NBAS: variants seen among roughly 807,000 people sequenced by gnomAD.
NBAS encodes the protein NAG/BC035112 fusion.
Under a neutral mutation model 302.5 loss-of-function variants are expected in NBAS, and 219 were observed. The ratio of observed to expected loss-of-function variants is 0.72; its 90% CI spans 0.65 to 0.81. NBAS has a LOEUF of 0.81. Among genes scored for constraint, NBAS ranks in the 30% least tolerant of loss-of-function variants. The pLI is 0.00. For missense variants in NBAS, 2,932 were observed against 2,841.6 expected, an observed-to-expected ratio of 1.03 and a Z score of -0.72; for synonymous variants, 1,118 against 1,021.6, an observed-to-expected ratio of 1.09 and a Z score of -1.80.
intron 23 of NBAS, among the ~76,000 whole-genome samples, chr2:15,419,404 A>AGT (rs139124907): frequency 0.011 from 1,633 of 149,912 alleles, 28 homozygotes; most frequent in African/African-American, 0.035. Context: ...TGTGTGTATG[A>AGT]GTGTGTGTGT....
In NBAS at chr2:15,476,653, C is replaced by T. The variant is rs140831616; in HGVS notation, c.1148-773G>A. Among the ~76,000 whole-genome samples the T allele has an allele frequency of 8.7e-3, 1,319 of 151,858 alleles. 21 individuals carry two copies. Among genetic ancestry groups the T allele is most frequent in the East Asian group, 0.06 (308 of 5,152 alleles). On this transcript the variant is annotated intron_variant, in intron 13 of 51. Transcript: ENST00000281513. ...TCACTTGAACCCGGGAGATGGAGGT[C>T]GCGGTGAGCCTAGATGGTGCCACTA...
At chr2:15,271,702 T>C (rs1572564470) in intron 44 of NBAS, among the ~76,000 whole-genome samples, 1 of 152,208 alleles carries the variant, frequency 6.6e-6, no homozygotes, top group Non-Finnish European at 1.5e-5. Flanking sequence ...GTGGAAAGTA[T>C]AAAACACAAA....
the NBAS span, among the ~76,000 whole-genome samples, chr2:14,837,329 A>G: frequency 6.6e-6 from 1 of 151,936 alleles, no homozygotes; most frequent in Non-Finnish European, 1.5e-5. Context: ...GAAATATATC[A>G]TGTCCAAATT....
At chr2:15,496,601 G>C (rs1047735997) in intron 11 of NBAS, among the ~76,000 whole-genome samples, 1 of 152,004 alleles carries the variant, frequency 6.6e-6, no homozygotes, top group African/African-American at 2.4e-5. Flanking sequence ...GCATGGGAGA[G>C]AGGGAGGGAG....
intron 51 of NBAS, among the ~76,000 whole-genome samples, chr2:15,174,509 C>T (rs1664442432): frequency 1.3e-5 from 2 of 152,142 alleles, no homozygotes; most frequent in African/African-American, 4.8e-5. Flanking sequence ...GGCCCAGAGC[C>T]CCCTGCAGTG....
intron 28 of NBAS, among the ~76,000 whole-genome samples, chr2:15,391,242 TG>T (rs202030264): frequency 0.014 from 2,059 of 151,922 alleles, 33 homozygotes; most frequent in East Asian, 0.06. Flanking sequence ...AAAGAAGAAA[TG>T]TTAGAAAAAG....
chr2:15,161,054 C>T, the NBAS span, among the ~76,000 whole-genome samples: 1 of 152,076 alleles, frequency 6.6e-6, no homozygotes, highest in Admixed American at 6.6e-5. Flanking sequence ...TTAGCATAGT[C>T]GAAGAAAGCC....
At chr2:15,371,350 T>C (rs1239257435) in intron 31 of NBAS, among the ~76,000 whole-genome samples, 1 of 152,200 alleles carries the variant, frequency 6.6e-6, no homozygotes, top group Non-Finnish European at 1.5e-5. Context: ...AACAGGCTAA[T>C]ACAATGCCCA....
chr2:15,025,587 A>G, the NBAS span, among the ~76,000 whole-genome samples: 1 of 152,156 alleles, frequency 6.6e-6, no homozygotes, highest in Non-Finnish European at 1.5e-5. Flanking sequence ...GATTCTTCTT[A>G]TCCATGAGGA....
the NBAS span, among the ~76,000 whole-genome samples, chr2:14,895,781 C>T: frequency 4.0e-5 from 6 of 150,342 alleles, no homozygotes; most frequent in Admixed American, 1.3e-4. Flanking sequence ...AAATAATCAA[C>T]AGACAACCTA....
chr2:15,543,174 C>A (rs1418946933), intron 6 of NBAS, among the ~76,000 whole-genome samples: 1 of 152,040 alleles, frequency 6.6e-6, no homozygotes, highest in East Asian at 1.9e-4. Context: ...CAAGTCTATA[C>A]CCCCCGACTC....
chr2:15,545,937 G>A (rs1664085153), intron 6 of NBAS, among the ~76,000 whole-genome samples: 1 of 152,130 alleles, frequency 6.6e-6, no homozygotes, highest in Admixed American at 6.5e-5. Context: ...TTCCCTTGCT[G>A]GTGGAATCAA....
intron 47 of NBAS, among the ~76,000 whole-genome samples, chr2:15,224,644 A>C (rs1238991765): frequency 2.0e-5 from 3 of 152,200 alleles, no homozygotes; most frequent in Non-Finnish European, 4.4e-5. Flanking sequence ...TAGTGGAAAA[A>C]ACAGGCTGGG....
chr2:15,371,574 A>T (rs1674487641), intron 31 of NBAS, among the ~76,000 whole-genome samples: 1 of 152,230 alleles, frequency 6.6e-6, no homozygotes, highest in African/African-American at 2.4e-5. Context: ...GTGAAGCTCA[A>T]AGATACTGTT....
At chr2:15,010,886 C>T in the NBAS span, among the ~76,000 whole-genome samples, 1 of 152,194 alleles carries the variant, frequency 6.6e-6, no homozygotes, top group Non-Finnish European at 1.5e-5. Context: ...TAACATAACA[C>T]TGCCTTCTCA....
intron 15 of NBAS, among the ~76,000 whole-genome samples, chr2:15,473,833 C>T (rs1680066274): frequency 6.6e-6 from 1 of 152,136 alleles, no homozygotes; most frequent in South Asian, 2.1e-4. Context: ...AGCTAAGCCA[C>T]CAAGTGGATA....
In NBAS at chr2:15,232,435, T is replaced by C; in HGVS notation, c.6223A>G (p.Ser2075Gly). The C allele has an allele frequency of 1.2e-6, 2 of 1,614,020 alleles. No individual in the cohort carries two copies. Among genetic ancestry groups the C allele is most frequent in the Non-Finnish European group, 1.7e-6 (2 of 1,179,910 alleles). The change falls in exon 47 of 52, where the codon AGT (serine) becomes GGT (glycine). Residue 2075 changes from serine (S) to glycine (G), a missense_variant. Physicochemically the swap from Ser to Gly is moderately conservative, Grantham distance 56 (BLOSUM62 0). Coordinates refer to ENST00000281513, the MANE Select transcript of NBAS (RefSeq NM_015909.4). ...TTCTAGTCTTACCCCTTGTCCACAC[T>C]GGCGTGGACTGCTGCAACAACACCT... is the stretch of plus-strand genomic sequence containing the variant. Reference protein sequence around the residue: ...LEGVVAAVHASVDKGEELVSP... With the variant: ...LEGVVAAVHAGVDKGEELVSP...
At chr2:14,801,284 T>C in the NBAS span, among the ~76,000 whole-genome samples, 1 of 152,152 alleles carries the variant, frequency 6.6e-6, no homozygotes, top group Non-Finnish European at 1.5e-5. Context: ...TCCCTTCCTG[T>C]TATTCCAGAA....
rs968483029 is a variant in NBAS, at chr2:15,554,220, G to C, written c.210-82C>G. 2.7e-6 allele frequency: 3 copies of C among 1,125,882 alleles called. No homozygotes were observed. In the African/African-American group the frequency reaches 4.7e-5, roughly 17 times the overall value. The allele number at this position is 1,125,882 out of a possible 1,614,324, so 69.7% of individuals were successfully genotyped here. Reference sequence around the variant, plus strand: ...CAGACAAATAGCACATATACTTATAGAGAGAGACACAGATTTTTTTCCATT... The same window carrying C: ...CAGACAAATAGCACATATACTTATACAGAGAGACACAGATTTTTTTCCATT... On this transcript the variant is annotated intron_variant, in intron 3 of 51. Coordinates refer to ENST00000281513, the MANE Select transcript of NBAS (RefSeq NM_015909.4).
Sources: allele counts gnomAD v4.1 joint callset (sites outside exome capture counted in the v4.1 genomes callset), GRCh38; gene constraint gnomAD v4.1.1; transcripts MANE v1.5; gene names NCBI Gene and HGNC (gene_info 2026-07-23, HGNC 2026-07-21).